GATAD2B: variants seen among roughly 807,000 people sequenced by gnomAD.
The protein encoded by GATAD2B is transcriptional repressor p66-beta.
GATAD2B carries 8 observed loss-of-function variants against 64.3 expected under a neutral mutation model. The observed-to-expected ratio is 0.12, with a 90% confidence interval of 0.07 to 0.22. The LOEUF is 0.22. Ranked by LOEUF, GATAD2B falls within the 10% of genes least tolerant of loss-of-function variation. GATAD2B has a pLI of 1.00. For missense variants in GATAD2B, 453 were observed against 752.0 expected (o/e 0.60, Z 4.65); for synonymous variants, 281 against 271.3 (o/e 1.04, Z -0.35).
At chr1:153,863,273 G>C (rs1208159459) in intron 1 of GATAD2B, among the ~76,000 whole-genome samples, 4 of 152,056 alleles carry the variant, frequency 2.6e-5, no homozygotes, top group Non-Finnish European at 4.4e-5. Context: ...CTGAGGTCAG[G>C]AGTTCAAGAC....
intron 1 of GATAD2B, chr1:153,853,424 G>A (rs1675976532): frequency 1.6e-6 from 1 of 634,902 alleles, no homozygotes; most frequent in Admixed American, 2.3e-5. Flanking sequence ...TTTCTTCCTG[G>A]AGAAATAAAT....
intron 1 of GATAD2B, among the ~76,000 whole-genome samples, chr1:153,913,315 T>C (rs1045741738): frequency 1.3e-5 from 2 of 152,178 alleles, no homozygotes; most frequent in Non-Finnish European, 2.9e-5. Flanking sequence ...AAAGGTATTG[T>C]TCCTTTTCTC....
At chr1:153,872,086 G>A (rs569128434) in intron 1 of GATAD2B, among the ~76,000 whole-genome samples, 2 of 152,074 alleles carry the variant, frequency 1.3e-5, no homozygotes, top group African/African-American at 4.8e-5. Flanking sequence ...GAGAGGCTGC[G>A]GTAGGCGGAT....
At chr1:153,814,522 C>CA (rs2101877395) in intron 7 of GATAD2B, among the ~76,000 whole-genome samples, 1 of 152,268 alleles carries the variant, frequency 6.6e-6, no homozygotes, top group Non-Finnish European at 1.5e-5. Context: ...CCTGTGATCC[C>CA]AACACTTTGG....
chr1:153,886,943 G>A (rs552478339), intron 1 of GATAD2B, among the ~76,000 whole-genome samples: 1 of 152,106 alleles, frequency 6.6e-6, no homozygotes, highest in African/African-American at 2.4e-5. Context: ...ATTCACTGGT[G>A]TCCAATAATA....
intron 1 of GATAD2B, among the ~76,000 whole-genome samples, chr1:153,901,143 G>C (rs1677756588): frequency 6.6e-6 from 1 of 151,976 alleles, no homozygotes; most frequent in South Asian, 2.1e-4. Context: ...GAACCCGGAA[G>C]GCAGAGGTTG....
chr1:153,821,658 C>T (rs1482185787), intron 2 of GATAD2B, among the ~76,000 whole-genome samples: 1 of 152,042 alleles, frequency 6.6e-6, no homozygotes, highest in Non-Finnish European at 1.5e-5. Context: ...CCTCCGTCTC[C>T]TGGGTTCAAG....
In GATAD2B at chr1:153,822,087, A is replaced by G. The variant is rs139382113; in HGVS notation, c.336-2352T>C. 1.9e-3 allele frequency among the ~76,000 whole-genome samples: 285 copies of G among 152,108 alleles called. 2 individuals carry two copies. The highest frequency in any genetic ancestry group is 6.5e-3 in the African/African-American group (269 of 41,518). On this transcript the variant is annotated intron_variant, in intron 2 of 10. Coordinates refer to ENST00000368655, the MANE Select transcript of GATAD2B (RefSeq NM_020699.4). ...TCCCAGCTACTCAGGAGGCTGAAGC[A>G]CAAGAATCACATGAACCTGGGAGGT...
chr1:153,844,003 C>A (rs557006474), intron 1 of GATAD2B, among the ~76,000 whole-genome samples: 3 of 152,134 alleles, frequency 2.0e-5, no homozygotes, highest in Admixed American at 2.0e-4. Context: ...GAGATTGAGG[C>A]ACAGCCTGAG....
At chr1:153,872,204 A>C (rs1427000098) in intron 1 of GATAD2B, among the ~76,000 whole-genome samples, 1 of 150,202 alleles carries the variant, frequency 6.7e-6, no homozygotes, top group African/African-American at 2.5e-5. Context: ...CTGTAATCCC[A>C]GCTATTTGGG....
At chr1:153,909,214 A>T (rs1243694346) in intron 1 of GATAD2B, among the ~76,000 whole-genome samples, 1 of 151,766 alleles carries the variant, frequency 6.6e-6, no homozygotes. Flanking sequence ...CATTAAAAAT[A>T]ATTTTTTTTT....
At chr1:153,826,167 C>T (rs1674871352) in intron 2 of GATAD2B, among the ~76,000 whole-genome samples, 1 of 152,066 alleles carries the variant, frequency 6.6e-6, no homozygotes, top group Non-Finnish European at 1.5e-5. Flanking sequence ...CCATGCCTGG[C>T]AAATTTTTTG....
At chr1:153,893,153 C>T (rs1677474945) in intron 1 of GATAD2B, among the ~76,000 whole-genome samples, 1 of 152,084 alleles carries the variant, frequency 6.6e-6, no homozygotes, top group African/African-American at 2.4e-5. Flanking sequence ...GAGATTTGCC[C>T]ATTAGCATTG....
Position 153,817,412 on chromosome 1 carries a change from G to A in GATAD2B, c.860C>T (p.Thr287Ile). 1 of 1,603,614 alleles carries A rather than the reference G, an allele frequency of 6.2e-7. No individual in the cohort carries two copies. Among genetic ancestry groups the A allele is most frequent in the Non-Finnish European group, 8.5e-7 (1 of 1,176,194 alleles). Residue 287 changes from threonine (T) to isoleucine (I), a missense_variant, in exon 6 of 11, where the codon ACC (threonine) becomes ATC (isoleucine). Thr to Ile is a moderately conservative substitution (Grantham distance 89, BLOSUM62 -1). This residue lies in a region of GATAD2B where 293 missense variants were observed against 417.2 expected (regional missense o/e 0.70). Transcript: ENST00000368655. Reference sequence around the variant, plus strand: ...GGCGGGATTCATGTTGGGTGTTGTGGTGCGTACAAGGCCAGGCTTAGGCGG... The same window carrying A: ...GGCGGGATTCATGTTGGGTGTTGTGATGCGTACAAGGCCAGGCTTAGGCGG... Reference protein sequence around the residue: ...RGPPKPGLVRTTTPNMNPAIN... With the variant: ...RGPPKPGLVRITTPNMNPAIN...
chr1:153,810,377 C>A (rs1557777438), intron 10 of GATAD2B, 67 bp from the exon 11 acceptor site: 1 of 1,525,190 alleles, frequency 6.6e-7, no homozygotes, highest in Non-Finnish European at 9.0e-7. Context: ...TTCCACTCTA[C>A]CCTCGGGCTG....
intron 1 of GATAD2B, among the ~76,000 whole-genome samples, chr1:153,863,180 C>G (rs1676370726): frequency 6.6e-6 from 1 of 152,080 alleles, no homozygotes; most frequent in Admixed American, 6.6e-5. Context: ...CAAACTTTCA[C>G]AAAGAAAAAC....
chr1:153,843,848 T>C (rs1021001936), intron 1 of GATAD2B, among the ~76,000 whole-genome samples: 1 of 132,002 alleles, frequency 7.6e-6, no homozygotes, highest in African/African-American at 2.8e-5. Context: ...ACAAAAACCA[T>C]AAAAACAAGG....
At chr1:153,880,623 T>C (rs536294959) in intron 1 of GATAD2B, among the ~76,000 whole-genome samples, 1 of 151,960 alleles carries the variant, frequency 6.6e-6, no homozygotes, top group East Asian at 1.9e-4. Flanking sequence ...CACCTTTGAA[T>C]GGGAACAGAA....
At chr1:153,908,347 A>C (rs1448376079) in intron 1 of GATAD2B, among the ~76,000 whole-genome samples, 1 of 152,196 alleles carries the variant, frequency 6.6e-6, no homozygotes, top group Non-Finnish European at 1.5e-5. Flanking sequence ...TTAAAAAATG[A>C]AAAGTAAAAC....
Sources: gnomAD v4.1 joint callset for allele counts (sites outside exome capture counted in the v4.1 genomes callset) on GRCh38, gnomAD v4.1.1 for gene constraint, gnomAD v4.1.1 regional missense constraint, MANE v1.5 for transcripts, NCBI Gene and HGNC (gene_info 2026-07-23, HGNC 2026-07-21) for gene names.